The following PLCE1 variants were observed in gnomAD, a reference collection of about 807,000 sequenced individuals.
PLCE1 encodes phospholipase C epsilon 1, also known as 1-phosphatidylinositol 4,5-bisphosphate phosphodiesterase epsilon-1.
In PLCE1, 119 loss-of-function variants were observed where a neutral mutation model predicts 242.8. The observed-to-expected ratio is 0.49, with a 90% confidence interval of 0.42 to 0.57. PLCE1 has a LOEUF of 0.57. Among genes scored for constraint, PLCE1 ranks in the 20% least tolerant of loss-of-function variants. The pLI, the probability that PLCE1 is intolerant of heterozygous loss-of-function variation, is 0.00. For missense variants in PLCE1, 2,441 were observed against 2,788.8 expected (o/e 0.88, Z 2.81); for synonymous variants, 945 against 1,017.4 (o/e 0.93, Z 1.35).
intron 2 of PLCE1, among the ~76,000 whole-genome samples, chr10:94,126,838 A>G (rs527763464): frequency 6.6e-6 from 1 of 152,334 alleles, no homozygotes; most frequent in South Asian, 2.1e-4. Flanking sequence ...ATTATCATGA[A>G]TAAAAACAAT....
At chr10:94,295,975 T>C (rs2052796497) in intron 23 of PLCE1, among the ~76,000 whole-genome samples, 1 of 152,210 alleles carries the variant, frequency 6.6e-6, no homozygotes, top group African/African-American at 2.4e-5. Flanking sequence ...GAGACAGCCT[T>C]TTCTTTGAAG....
Position 94,265,964 on chromosome 10 carries a change from G to A in PLCE1, c.4281+6G>A, listed in dbSNP as rs2051500509. On this transcript the variant is annotated splice_donor_region_variant and intron_variant, in intron 16 of 32. Transcript: ENST00000371380. ...CGGTAGAACTCTACAGCCAGGTACAGGGAATGCCACTTGGAATGTGGTTTT... is the reference window on the plus strand; with the variant it reads ...CGGTAGAACTCTACAGCCAGGTACAAGGAATGCCACTTGGAATGTGGTTTT... The A allele has an allele frequency of 6.2e-7, 1 of 1,613,704 alleles. No homozygotes were observed. Among genetic ancestry groups the A allele is most frequent in the East Asian group, 2.2e-5 (1 of 44,866 alleles).
intron 3 of PLCE1, among the ~76,000 whole-genome samples, chr10:94,148,667 A>G (rs1300070105): frequency 1.3e-5 from 2 of 152,176 alleles, no homozygotes; most frequent in Non-Finnish European, 2.9e-5. Context: ...AGAAAAAGAG[A>G]GAAAGGATGG....
chr10:94,140,622 TA>T (rs918042809), intron 3 of PLCE1, among the ~76,000 whole-genome samples: 3 of 152,168 alleles, frequency 2.0e-5, no homozygotes, highest in Non-Finnish European at 2.9e-5. Flanking sequence ...TAGCTTTGAA[TA>T]AAAAACAAGA....
At chr10:94,227,528 G>C in intron 5 of PLCE1, 77 bp downstream of exon 5, 1 of 1,345,224 alleles carries the variant, frequency 7.4e-7, no homozygotes, top group Non-Finnish European at 1.1e-6. Context: ...TAATTGTCCA[G>C]GGACTCACCT....
Position 94,271,306 on chromosome 10 carries a change from C to CTTT in PLCE1, c.4506+728_4506+730dup, listed in dbSNP as rs35048796. 4.9e-4 allele frequency among the ~76,000 whole-genome samples: 36 copies of CTTT among 73,264 alleles called. 2 individuals are homozygous for CTTT. Among genetic ancestry groups the CTTT allele is most frequent in the African/African-American group, 1.1e-3 (19 of 16,990 alleles). The allele number at this position is 73,264 out of a possible 152,430, so 48.1% of individuals were successfully genotyped here. On this transcript the variant is annotated intron_variant, in intron 18 of 32. Coordinates refer to ENST00000371380, the MANE Select transcript of PLCE1 (RefSeq NM_016341.4). ...GTCAAATCTTATAGGAGAAGATCATCTTTTTTTTTTTTTTTTTTTTTTTTT... is the reference window on the plus strand; with the variant it reads ...GTCAAATCTTATAGGAGAAGATCATCTTTTTTTTTTTTTTTTTTTTTTTTTTTT...
intron 3 of PLCE1, among the ~76,000 whole-genome samples, chr10:94,164,144 C>T (rs549920636): frequency 3.4e-4 from 52 of 152,180 alleles, no homozygotes; most frequent in African/African-American, 1.3e-3. Context: ...AGTTGCTCTT[C>T]TCGAGGAGTA....
intron 7 of PLCE1, among the ~76,000 whole-genome samples, chr10:94,240,689 A>G (rs1024628581): frequency 6.6e-6 from 1 of 152,206 alleles, no homozygotes; most frequent in Non-Finnish European, 1.5e-5. Flanking sequence ...ATACCTGTTG[A>G]TCACCCAATG....
intron 28 of PLCE1, chr10:94,315,483 A>G (rs2053535345): frequency 2.2e-6 from 1 of 456,056 alleles, no homozygotes; most frequent in Non-Finnish European, 4.4e-6. Flanking sequence ...TATGAGTGAG[A>G]AAATACATTG....
chr10:94,097,112 A>T (rs971898918), intron 2 of PLCE1, among the ~76,000 whole-genome samples: 1 of 152,246 alleles, frequency 6.6e-6, no homozygotes, highest in Admixed American at 6.5e-5. Context: ...ATGGATGGGT[A>T]GACCAAGTTC....
At chr10:94,288,974 C>T (rs936704761) in intron 22 of PLCE1, among the ~76,000 whole-genome samples, 1 of 152,036 alleles carries the variant, frequency 6.6e-6, no homozygotes, top group Non-Finnish European at 1.5e-5. Context: ...TTGCCTCCCC[C>T]ACAGAGAGCC....
chr10:94,243,708 C>G (rs2050585462), intron 7 of PLCE1, among the ~76,000 whole-genome samples: 1 of 152,188 alleles, frequency 6.6e-6, no homozygotes, highest in Non-Finnish European at 1.5e-5. Context: ...TATTTCCCTT[C>G]TGAATTATTA....
In PLCE1 at chr10:94,259,250, T is replaced by C. The variant is rs190946298; in HGVS notation, c.3814+100T>C. 39 of 1,158,046 alleles carry C rather than the reference T, an allele frequency of 3.4e-5. No homozygotes were observed. The African/African-American group carries it at 4.4e-4, about 13-fold the overall frequency. 71.7% of individuals were successfully genotyped at this position (1,158,046 alleles called of 1,614,324 possible). Reference sequence around the variant, plus strand: ...AACTCTGAGCCTGTCCCACATAGTGTGCTATTACTGCTGTGTAGGGAAAGA... The same window carrying C: ...AACTCTGAGCCTGTCCCACATAGTGCGCTATTACTGCTGTGTAGGGAAAGA... On this transcript the variant is annotated intron_variant, in intron 13 of 32. Coordinates refer to ENST00000371380, the MANE Select transcript of PLCE1 (RefSeq NM_016341.4).
Position 94,308,181 on chromosome 10 carries a change from A to G in PLCE1, c.5885-400A>G, listed in dbSNP as rs2053268344. On this transcript the variant is annotated intron_variant, in intron 26 of 32. Coordinates refer to ENST00000371380, the MANE Select transcript of PLCE1 (RefSeq NM_016341.4). ...TATTCCATTCTATACTTACACTTAC[A>G]GTCATACCATAAATTATAACCAATC... Among the ~76,000 whole-genome samples the G allele has an allele frequency of 2.6e-5, 4 of 152,354 alleles. No homozygotes were observed. The South Asian group carries it at 8.3e-4, about 32-fold the overall frequency.
chr10:94,313,651 C>T (rs188675653), intron 28 of PLCE1, among the ~76,000 whole-genome samples: 66 of 152,236 alleles, frequency 4.3e-4, no homozygotes, highest in Non-Finnish European at 7.9e-4. Context: ...TATAAAATAC[C>T]AGGCTCTAGA....
rs997809240 is a variant in PLCE1, at chr10:94,324,768, C to G, written c.6721-124C>G. On this transcript the variant is annotated intron_variant, in intron 31 of 32. Coordinates refer to ENST00000371380, the MANE Select transcript of PLCE1 (RefSeq NM_016341.4). Reference sequence around the variant, plus strand: ...GCGGTTAAGCAGTCCTAGAGGGGAGCTCCTCAGCCCTACTCTCTCCAAAGC... The same window carrying G: ...GCGGTTAAGCAGTCCTAGAGGGGAGGTCCTCAGCCCTACTCTCTCCAAAGC... 10 of 1,045,686 alleles carry G rather than the reference C, an allele frequency of 9.6e-6. No individual in the cohort carries two copies. In the Admixed American group the frequency reaches 1.7e-4, roughly 18 times the overall value. The allele number at this position is 1,045,686 out of a possible 1,614,324, so 64.8% of individuals were successfully genotyped here. A position where few individuals can be genotyped will look rare whatever the true frequency, so the allele number is the denominator to read the frequency against.
intron 2 of PLCE1, among the ~76,000 whole-genome samples, chr10:94,048,240 T>C (rs1310895256): frequency 6.6e-6 from 1 of 152,190 alleles, no homozygotes; most frequent in African/African-American, 2.4e-5. Flanking sequence ...TGAATATTTT[T>C]GTATATGTTC....
At chr10:94,284,363 A>G (rs2052360099) in intron 21 of PLCE1, among the ~76,000 whole-genome samples, 1 of 152,178 alleles carries the variant, frequency 6.6e-6, no homozygotes, top group Non-Finnish European at 1.5e-5. Flanking sequence ...GAAGTTTTAA[A>G]GGCATTTGGG....
chr10:94,255,987 C>CTCTCTCTT (rs1403250911), intron 11 of PLCE1, among the ~76,000 whole-genome samples: 119 of 150,606 alleles, frequency 7.9e-4, no homozygotes, highest in South Asian at 2.6e-3. Flanking sequence ...CCACGCCCCT[C>CTCTCTCTT]TCTCTCTTTC....
Sources: gnomAD v4.1 joint callset for allele counts (sites outside exome capture counted in the v4.1 genomes callset) on GRCh38, gnomAD v4.1.1 for gene constraint, MANE v1.5 for transcripts, NCBI Gene and HGNC (gene_info 2026-07-23, HGNC 2026-07-21) for gene names.